Variants in STAC observed in about 807,000 individuals in gnomAD.
STAC encodes the protein SH3 and cysteine rich domain, also known as SH3 and cysteine-rich domain-containing protein.
A neutral mutation model predicts 48.8 loss-of-function variants in STAC; 43 were observed. The observed-to-expected ratio is 0.88, with a 90% confidence interval of 0.69 to 1.14. The LOEUF (loss-of-function observed/expected upper bound fraction) is 1.14. STAC is among the 50% of genes most tolerant of loss of function. STAC has a pLI of 0.00. For synonymous variants in STAC, 193 were observed against 179.5 expected (o/e 1.07, Z -0.60); for missense variants, 497 against 504.0 (o/e 0.99, Z 0.13).
chr3:36,490,459 G>C (rs1697938580), intron 5 of STAC, among the ~76,000 whole-genome samples: 1 of 152,172 alleles, frequency 6.6e-6, no homozygotes, highest in Admixed American at 6.5e-5. Flanking sequence ...CCAGCATTCT[G>C]AACAAGCCTT....
At chr3:36,475,064 T>C (rs1427911077) in intron 2 of STAC, among the ~76,000 whole-genome samples, 1 of 151,540 alleles carries the variant, frequency 6.6e-6, no homozygotes, top group South Asian at 2.1e-4. Flanking sequence ...CTTTCAAACT[T>C]AGTTTGATTT....
chr3:36,394,668 ATGTGGATCACC>A (rs1699820328), intron 1 of STAC, among the ~76,000 whole-genome samples: 1 of 152,068 alleles, frequency 6.6e-6, no homozygotes, highest in African/African-American at 2.4e-5. Flanking sequence ...AGGCTGAGGC[ATGTGGATCACC>A]TGAAGTCAGG....
In STAC at chr3:36,529,595, T is replaced by C. The variant is rs543004860; in HGVS notation, c.1110+610T>C. Among the ~76,000 whole-genome samples, 5 of 152,304 alleles carry C rather than the reference T, an allele frequency of 3.3e-5. No individual in the cohort carries two copies. In the South Asian group the frequency reaches 1.0e-3, roughly 32 times the overall value. On this transcript the variant is annotated intron_variant, in intron 10 of 10. Transcript: ENST00000273183. ...TAGAGTTCTCTTTGATGCTGTCAAT[T>C]TTCCTGAGAAGTAAAATGTGAACCC...
At chr3:36,449,571 C>T (rs939265040) in intron 2 of STAC, among the ~76,000 whole-genome samples, 2 of 152,130 alleles carry the variant, frequency 1.3e-5, no homozygotes, top group Non-Finnish European at 2.9e-5. Context: ...GCACAACATA[C>T]TTTTAAGTTA....
intron 2 of STAC, 80 bp from the exon 3 acceptor site, chr3:36,482,912 C>A: frequency 2.2e-6 from 2 of 924,710 alleles, no homozygotes; most frequent in Non-Finnish European, 3.4e-6. Flanking sequence ...ACCTGGGGAA[C>A]CTCATTTTCT....
intron 1 of STAC, among the ~76,000 whole-genome samples, chr3:36,385,719 T>A (rs1331716719): frequency 6.6e-6 from 1 of 152,152 alleles, no homozygotes; most frequent in African/African-American, 2.4e-5. Flanking sequence ...ATAAATTATT[T>A]GCTCATTTCT....
intron 10 of STAC, among the ~76,000 whole-genome samples, chr3:36,542,348 G>A (rs1699348943): frequency 6.6e-6 from 1 of 152,150 alleles, no homozygotes. Flanking sequence ...TAGTCCATGA[G>A]ACAGATCAGA....
At chr3:36,383,618 T>G (rs985384922) in intron 1 of STAC, among the ~76,000 whole-genome samples, 18 of 152,182 alleles carry the variant, frequency 1.2e-4, no homozygotes, top group African/African-American at 3.6e-4. Flanking sequence ...AGCACATATT[T>G]CAGGTGTTTT....
chr3:36,430,258 A>C (rs1456240793), intron 1 of STAC, among the ~76,000 whole-genome samples: 1 of 152,246 alleles, frequency 6.6e-6, no homozygotes, highest in Non-Finnish European at 1.5e-5. Context: ...GAATAAGAGT[A>C]TGTAGAATGT....
chr3:36,455,012 T>G (rs998358480), intron 2 of STAC, among the ~76,000 whole-genome samples: 8 of 152,190 alleles, frequency 5.3e-5, no homozygotes, highest in African/African-American at 1.9e-4. Context: ...AGATCATACC[T>G]TAGCAGAAAG....
rs984946032 is a variant in STAC at position 36,504,549 on chromosome 3, T to A, written c.831+92T>A. 16 of 1,037,076 alleles carry A rather than the reference T, an allele frequency of 1.5e-5. No homozygotes were observed. The South Asian group carries it at 2.0e-4, about 13-fold the overall frequency. The allele number at this position is 1,037,076 out of a possible 1,614,324, so 64.2% of individuals were successfully genotyped here. A position where few individuals can be genotyped will look rare whatever the true frequency, so the allele number is the denominator to read the frequency against. ...CAAGTGGGTCATGAAATCAATTTAG[T>A]GAGTCCAGACCAGCATCTTTAGAGA... On this transcript the variant is annotated intron_variant, in intron 7 of 10. Transcript: ENST00000273183.
chr3:36,425,110 T>C (rs1408175609), intron 1 of STAC, among the ~76,000 whole-genome samples: 1 of 152,198 alleles, frequency 6.6e-6, no homozygotes, highest in African/African-American at 2.4e-5. Flanking sequence ...GGGATGATTT[T>C]TTAAAAAGTC....
chr3:36,498,160 T>C (rs986687939), intron 6 of STAC, among the ~76,000 whole-genome samples: 1 of 152,118 alleles, frequency 6.6e-6, no homozygotes, highest in African/African-American at 2.4e-5. Flanking sequence ...ATTGTATACA[T>C]TTAAAATGTT....
At chr3:36,436,182 A>T (rs1018833777) in intron 1 of STAC, among the ~76,000 whole-genome samples, 6 of 152,088 alleles carry the variant, frequency 3.9e-5, no homozygotes, top group African/African-American at 1.5e-4. Flanking sequence ...CTTATTCAAA[A>T]CTCAACTCCA....
chr3:36,402,275 T>C (rs1184798591), intron 1 of STAC, among the ~76,000 whole-genome samples: 3 of 150,774 alleles, frequency 2.0e-5, no homozygotes, highest in African/African-American at 7.3e-5. Flanking sequence ...ATAATAAAAG[T>C]AGAAACAAGA....
At chr3:36,439,847 C>T (rs1156375104) in intron 1 of STAC, among the ~76,000 whole-genome samples, 2 of 152,164 alleles carry the variant, frequency 1.3e-5, no homozygotes, top group East Asian at 3.9e-4. Context: ...ATGCTATGCT[C>T]CCAAGGACAC....
chr3:36,534,408 C>A (rs983710327), intron 10 of STAC, among the ~76,000 whole-genome samples: 2 of 152,110 alleles, frequency 1.3e-5, no homozygotes, highest in Non-Finnish European at 1.5e-5. Flanking sequence ...TAAACTTACC[C>A]AGTAAGCACC....
At chr3:36,534,968 T>A (rs565341771) in intron 10 of STAC, among the ~76,000 whole-genome samples, 2 of 152,214 alleles carry the variant, frequency 1.3e-5, no homozygotes, top group South Asian at 4.1e-4. Context: ...CTCTTCATTT[T>A]TAAATTTTAA....
At chr3:36,410,499 C>CGA (rs200298654) in intron 1 of STAC, among the ~76,000 whole-genome samples, 3,541 of 152,310 alleles carry the variant, frequency 0.023, 60 homozygotes, top group East Asian at 0.026. Context: ...TGGATCCCAG[C>CGA]AGCTTGACCA....
Sources: allele counts gnomAD v4.1 joint callset (sites outside exome capture counted in the v4.1 genomes callset), GRCh38; gene constraint gnomAD v4.1.1; transcripts MANE v1.5; gene names NCBI Gene and HGNC (gene_info 2026-07-23, HGNC 2026-07-21).